The following IPO11 variants were observed in gnomAD, a reference collection of about 807,000 sequenced individuals.
The protein encoded by IPO11 is importin-11.
Under a neutral mutation model 143.2 loss-of-function variants are expected in IPO11, and 66 were observed. The observed-to-expected ratio is 0.46, with a 90% CI of 0.38 to 0.57. The LOEUF is 0.57. Ranked by LOEUF, IPO11 falls within the 20% of genes least tolerant of loss-of-function variation. The probability of loss-of-function intolerance (pLI) is 0.00; values close to 1 mark genes in which losing one functional copy is unlikely to be tolerated. For missense variants in IPO11, 1,026 were observed against 1,141.0 expected (o/e 0.90, Z 1.45); for synonymous variants, 385 against 377.8 (o/e 1.02, Z -0.22).
intron 27 of IPO11, chr5:62,579,845 A>G: frequency 6.5e-7 from 1 of 1,548,402 alleles, no homozygotes; most frequent in East Asian, 2.4e-5. Context: ...AATCTTCGTA[A>G]TTTATATTTA....
At chr5:62,620,474 G>A (rs1288337998) in intron 29 of IPO11, among the ~76,000 whole-genome samples, 1 of 143,292 alleles carries the variant, frequency 7.0e-6, no homozygotes, top group Non-Finnish European at 1.5e-5. Flanking sequence ...AGCCAAGATT[G>A]TGCCACTGCA....
At chr5:62,533,211 TC>T (rs1423010228) in intron 22 of IPO11, among the ~76,000 whole-genome samples, 5 of 94,474 alleles carry the variant, frequency 5.3e-5, no homozygotes, top group Admixed American at 4.3e-4. Flanking sequence ...TTTCTTTCTT[TC>T]TTCTTTTTTT....
intron 27 of IPO11, among the ~76,000 whole-genome samples, chr5:62,573,497 A>G (rs563784147): frequency 6.6e-6 from 1 of 152,342 alleles, no homozygotes; most frequent in East Asian, 1.9e-4. Flanking sequence ...CTGAGTAGCT[A>G]TATTATACTA....
chr5:62,612,041 C>T (rs995174713), intron 29 of IPO11, among the ~76,000 whole-genome samples: 1 of 151,700 alleles, frequency 6.6e-6, no homozygotes, highest in Non-Finnish European at 1.5e-5. Context: ...AATAACATTC[C>T]CCTAGGTAAC....
At chr5:62,501,436 T>C (rs1741345328) in intron 16 of IPO11, among the ~76,000 whole-genome samples, 1 of 152,242 alleles carries the variant, frequency 6.6e-6, no homozygotes. Context: ...AACCTTAGTC[T>C]ACTAAGTTTC....
At chr5:62,513,351 G>A (rs1225491394) in intron 19 of IPO11, among the ~76,000 whole-genome samples, 3 of 140,676 alleles carry the variant, frequency 2.1e-5, no homozygotes, top group South Asian at 2.2e-4. Context: ...GCGGCTGGCT[G>A]GGCGGGGGGC....
At chr5:62,426,687 A>G (rs954628892) in intron 1 of IPO11, among the ~76,000 whole-genome samples, 3 of 151,924 alleles carry the variant, frequency 2.0e-5, no homozygotes, top group African/African-American at 4.8e-5. Context: ...GTTGACTATA[A>G]GAATGATAAC....
intron 27 of IPO11, chr5:62,580,026 A>AACTCTT: frequency 1.3e-6 from 2 of 1,551,318 alleles, no homozygotes; most frequent in Non-Finnish European, 1.7e-6. Context: ...TGAGGATATC[A>AACTCTT]GAATCAGGCT....
At chr5:62,580,255 A>C (rs1004602264) in intron 27 of IPO11, 1 of 1,544,798 alleles carries the variant, frequency 6.5e-7, no homozygotes, top group Admixed American at 2.0e-5. Context: ...GGATGGGTTT[A>C]GTGGAATTAA....
At chr5:62,526,051 G>GT (rs1742360243) in intron 20 of IPO11, 91 bp from the exon 21 acceptor site, 1 of 758,590 alleles carries the variant, frequency 1.3e-6, no homozygotes, top group East Asian at 2.7e-5. Flanking sequence ...TTTTTAATTG[G>GT]TTTTAGGGCT....
intron 27 of IPO11, among the ~76,000 whole-genome samples, chr5:62,584,468 C>T (rs1425309688): frequency 6.6e-6 from 1 of 151,836 alleles, no homozygotes; most frequent in African/African-American, 2.4e-5. Flanking sequence ...AAAAATAAAT[C>T]TGGGTGTGGT....
intron 20 of IPO11, among the ~76,000 whole-genome samples, chr5:62,521,730 C>G (rs949224063): frequency 3.3e-5 from 5 of 151,604 alleles, no homozygotes; most frequent in Non-Finnish European, 7.4e-5. Flanking sequence ...TGTTTCCTTC[C>G]TGCTTTTTTT....
chr5:62,580,270 C>G, intron 27 of IPO11: 2 of 1,541,514 alleles, frequency 1.3e-6, no homozygotes, highest in South Asian at 2.4e-5. Flanking sequence ...AATTAATAAT[C>G]TTAAACATTT....
At chr5:62,565,736 C>T (rs999033406) in intron 27 of IPO11, among the ~76,000 whole-genome samples, 3 of 152,060 alleles carry the variant, frequency 2.0e-5, no homozygotes, top group Non-Finnish European at 2.9e-5. Context: ...TTAAGCTCCG[C>T]ATGCATTAGC....
chr5:62,490,141 T>G lies in IPO11; in HGVS notation c.1384T>G (p.Tyr462Asp), dbSNP rs545780507. The G allele has an allele frequency of 5.0e-6, 8 of 1,602,176 alleles. No individual in the cohort carries two copies. Among genetic ancestry groups the G allele is most frequent in the Non-Finnish European group, 6.8e-6 (8 of 1,175,124 alleles). Residue 462 changes from tyrosine to aspartate, a missense_variant, in exon 15 of 30, where the codon TAT becomes GAT. Tyr to Asp is a radical substitution (Grantham distance 160). Transcript: ENST00000325324. Reference protein sequence around the residue: ...AVYNAVGLAAYELFDSVDFDQ... With the variant: ...AVYNAVGLAADELFDSVDFDQ... Reference sequence around the variant, plus strand: ...GTATAATGCTGTTGGATTAGCTGCTTATGAGCTCTTTGACAGTGTTGATTT... The same window carrying G: ...GTATAATGCTGTTGGATTAGCTGCTGATGAGCTCTTTGACAGTGTTGATTT...
chr5:62,424,873 T>TTTA (rs1281934863), intron 1 of IPO11, among the ~76,000 whole-genome samples: 1 of 152,190 alleles, frequency 6.6e-6, no homozygotes. Context: ...AGACATTGCC[T>TTTA]TTATTATTAT....
intron 1 of IPO11, among the ~76,000 whole-genome samples, chr5:62,427,379 T>C (rs1743795414): frequency 6.6e-6 from 1 of 152,216 alleles, no homozygotes; most frequent in South Asian, 2.1e-4. Context: ...CTCTCCTTGA[T>C]GTCACATATA....
At chr5:62,530,138 C>A (rs887400557) in intron 21 of IPO11, among the ~76,000 whole-genome samples, 5 of 152,068 alleles carry the variant, frequency 3.3e-5, no homozygotes, top group African/African-American at 1.2e-4. Context: ...ATCAGAACAA[C>A]AAAATAACTT....
intron 9 of IPO11, among the ~76,000 whole-genome samples, chr5:62,479,279 A>G (rs1226204713): frequency 6.6e-6 from 1 of 152,086 alleles, no homozygotes; most frequent in African/African-American, 2.4e-5. Flanking sequence ...ATCCTTTTTT[A>G]TGGCTGCATA....
Sources: allele counts gnomAD v4.1 joint callset (sites outside exome capture counted in the v4.1 genomes callset), GRCh38; gene constraint gnomAD v4.1.1; transcripts MANE v1.5; gene names NCBI Gene and HGNC (gene_info 2026-07-23, HGNC 2026-07-21).